PRKAG1: variants seen among roughly 807,000 people sequenced by gnomAD.
PRKAG1 encodes the protein 5'-AMP-activated protein kinase subunit gamma-1.
Under a neutral mutation model 48.2 loss-of-function variants are expected in PRKAG1, and 27 were observed. The observed-to-expected ratio is 0.56, with a 90% CI of 0.41 to 0.77. The LOEUF is 0.77. PRKAG1 is among the 30% of genes least tolerant of loss of function. The pLI, the probability that PRKAG1 is intolerant of heterozygous loss-of-function variation, is 0.00. For missense variants in PRKAG1, 287 were observed against 398.3 expected (o/e 0.72, Z 2.38); for synonymous variants, 130 against 147.7 (o/e 0.88, Z 0.87).
At chr12:49,010,335 T>G (rs369775342) in intron 2 of PRKAG1, among the ~76,000 whole-genome samples, 1 of 152,170 alleles carries the variant, frequency 6.6e-6, no homozygotes, top group African/African-American at 2.4e-5. Context: ...CATTCAATAC[T>G]TATATATTTT....
chr12:49,005,691 G>C lies in PRKAG1; in HGVS notation c.168+52C>G. The C allele has an allele frequency of 6.2e-7, 1 of 1,607,322 alleles. No individual in the cohort carries two copies. The highest frequency in any genetic ancestry group is 8.5e-7 in the Non-Finnish European group (1 of 1,174,120). ...ACCCTTAGGATGAGATAGGATGAGAGGTATTAAACCACAGGCTCCAAAGGG... is the reference window on the plus strand; with the variant it reads ...ACCCTTAGGATGAGATAGGATGAGACGTATTAAACCACAGGCTCCAAAGGG... On this transcript the variant is annotated intron_variant, in intron 3 of 11. Coordinates refer to ENST00000548065, the MANE Select transcript of PRKAG1 (RefSeq NM_002733.5). The surrounding 1 kb of genome is among the most constrained non-coding windows in gnomAD (Gnocchi z 4.1).
At chr12:49,004,092 C>T (rs766907020) in intron 8 of PRKAG1, 170 bp from the exon 9 acceptor site, 2 of 858,752 alleles carry the variant, frequency 2.3e-6, no homozygotes, top group Non-Finnish European at 3.4e-6. Context: ...GAGTTCGAGA[C>T]CAGCCTGGGC....
intron 2 of PRKAG1, among the ~76,000 whole-genome samples, chr12:49,009,888 C>A (rs1941689442): frequency 1.3e-5 from 2 of 152,222 alleles, no homozygotes; most frequent in Admixed American, 1.3e-4. Flanking sequence ...GCTGGGATTA[C>A]AGGCGTGAGC....
Position 49,003,788 on chromosome 12 carries a change from T to G in PRKAG1, c.672A>C (p.Arg224=). The change falls in exon 9 of 12, where the codon CGA becomes CGC. Residue 224 remains arginine, a synonymous_variant. Transcript: ENST00000548065. ...CATCCACCACTGGCAGGGCTGAGAC[T>G]CGATGCTGTACAAAAATCCCCAGAG... The part of the protein sequence containing the change: ...YVALGIFVQH[R]VSALPVVDEK... 6.2e-7 allele frequency: 1 copy of G among 1,613,722 alleles called. No homozygotes were observed. The highest frequency in any genetic ancestry group is 8.5e-7 in the Non-Finnish European group (1 of 1,179,816).
intron 8 of PRKAG1, 150 bp from the exon 9 acceptor site, chr12:49,004,072 T>G: frequency 9.1e-7 from 1 of 1,100,202 alleles, no homozygotes; most frequent in East Asian, 2.6e-5. Flanking sequence ...GACATATTGC[T>G]TGAGCCCAGG....
rs899020647 is a variant in PRKAG1 at position 49,003,203 on chromosome 12, G to C, written c.829C>G (p.Leu277Val). The change falls in exon 11 of 12, where the codon CTC (leucine) becomes GTC (valine). Residue 277 changes from leucine (L) to valine (V), a missense_variant. By Grantham distance (32) the Leu-to-Val change is conservative. This residue lies in a region of PRKAG1 where 224 missense variants were observed against 344.3 expected (regional missense o/e 0.65). Transcript: ENST00000548065. Reference protein sequence around the residue: ...QHRSHYFEGVLKCYLHETLET... With the variant: ...QHRSHYFEGVVKCYLHETLET... Reference sequence around the variant, plus strand: ...AGAGTCTCATGCAGGTAGCACTTGAGAACACCCTCAAAGTAATGTGATCGA... The same window carrying C: ...AGAGTCTCATGCAGGTAGCACTTGACAACACCCTCAAAGTAATGTGATCGA... 5 of 1,614,186 alleles carry C rather than the reference G, an allele frequency of 3.1e-6. No individual in the cohort carries two copies. The highest frequency in any genetic ancestry group is 4.2e-6 in the Non-Finnish European group (5 of 1,180,034).
chr12:49,014,220 T>A (rs1941878881), intron 1 of PRKAG1, among the ~76,000 whole-genome samples: 2 of 152,220 alleles, frequency 1.3e-5, no homozygotes, highest in Admixed American at 1.3e-4. Flanking sequence ...TACTCCATTC[T>A]GATGAAATTC....
chr12:49,018,159 T>C (rs1243920829), intron 1 of PRKAG1: 2 of 153,972 alleles, frequency 1.3e-5, no homozygotes, highest in Non-Finnish European at 1.5e-5. Flanking sequence ...TGACCTAAAA[T>C]TGTCCAGGGA....
At chr12:49,015,115 A>G (rs1034342194) in intron 1 of PRKAG1, among the ~76,000 whole-genome samples, 6 of 152,240 alleles carry the variant, frequency 3.9e-5, no homozygotes, top group Non-Finnish European at 7.3e-5. Context: ...ACTGGACTGC[A>G]TAAGACTGTC....
At chr12:49,012,960 G>T (rs980934640) in intron 2 of PRKAG1, 102 bp downstream of exon 2, 3 of 1,236,558 alleles carry the variant, frequency 2.4e-6, no homozygotes, top group Non-Finnish European at 3.5e-6. Context: ...ATCTGGCCCT[G>T]CTTTGATTTT....
chr12:49,004,898 G>A, intron 7 of PRKAG1, 66 bp downstream of exon 7: 1 of 1,507,288 alleles, frequency 6.6e-7, no homozygotes, highest in South Asian at 1.1e-5. Context: ...TGGGTGTCTA[G>A]GGCATTAGCT....
chr12:49,010,379 G>A (rs1471028906), intron 2 of PRKAG1, among the ~76,000 whole-genome samples: 4 of 152,182 alleles, frequency 2.6e-5, no homozygotes, highest in African/African-American at 7.2e-5. Context: ...TGGAGAGAAG[G>A]ATTATTCAAT....
intron 1 of PRKAG1, among the ~76,000 whole-genome samples, chr12:49,013,676 T>C (rs1439364319): frequency 2.0e-5 from 3 of 152,174 alleles, no homozygotes; most frequent in Non-Finnish European, 4.4e-5. Flanking sequence ...CAAGGTCACA[T>C]GGCTGATAAG....
At chr12:49,008,869 T>C (rs1941651318) in intron 2 of PRKAG1, among the ~76,000 whole-genome samples, 1 of 152,230 alleles carries the variant, frequency 6.6e-6, no homozygotes, top group Admixed American at 6.5e-5. Context: ...TCCAGTGTTC[T>C]GAAATCTCAG....
At position 49,005,211 on chromosome 12, in the gene PRKAG1, C is replaced by T; in HGVS notation, c.310-46G>A. ...ATTTGAGACCTGATCTCTCTGCTTCCTTAAGCCCTCGTGGCTTGCTTGGAG... is the reference window on the plus strand; with the variant it reads ...ATTTGAGACCTGATCTCTCTGCTTCTTTAAGCCCTCGTGGCTTGCTTGGAG... On this transcript the variant is annotated intron_variant, in intron 5 of 11. Coordinates refer to ENST00000548065, the MANE Select transcript of PRKAG1 (RefSeq NM_002733.5). The surrounding 1 kb of genome is among the most constrained non-coding windows in gnomAD (Gnocchi z 4.1). 1.2e-6 allele frequency: 2 copies of T among 1,613,508 alleles called. No individual in the cohort carries two copies. Among genetic ancestry groups the T allele is most frequent in the Admixed American group, 1.7e-5 (1 of 60,012 alleles).
chr12:49,004,735 G>A, intron 7 of PRKAG1, 102 bp from the exon 8 acceptor site: 1 of 1,538,240 alleles, frequency 6.5e-7, no homozygotes, highest in Non-Finnish European at 8.9e-7. Context: ...TGATGGTTAG[G>A]GAAGGGGGGC....
At chr12:49,004,740 G>T (rs755926118) in intron 7 of PRKAG1, 107 bp from the exon 8 acceptor site, 24 of 1,526,724 alleles carry the variant, frequency 1.6e-5, no homozygotes, top group Middle Eastern at 1.9e-4. Flanking sequence ...GTTAGGGAAG[G>T]GGGGCAGTGT....
chr12:49,009,590 T>A (rs1002814224), intron 2 of PRKAG1, among the ~76,000 whole-genome samples: 7 of 152,140 alleles, frequency 4.6e-5, no homozygotes, highest in African/African-American at 1.7e-4. Flanking sequence ...TGTTTCATGG[T>A]GGAAATAAGG....
intron 2 of PRKAG1, among the ~76,000 whole-genome samples, chr12:49,011,382 T>G (rs1267998911): frequency 6.6e-6 from 1 of 151,822 alleles, no homozygotes; most frequent in Non-Finnish European, 1.5e-5. Flanking sequence ...TGCAAAAAAT[T>G]TTTAATTTTT....
Sources: gnomAD v4.1 joint callset for allele counts (sites outside exome capture counted in the v4.1 genomes callset) on GRCh38, gnomAD v4.1.1 for gene constraint, gnomAD v4.1.1 regional missense constraint, Gnocchi (gnomAD v3.1) non-coding constraint, MANE v1.5 for transcripts, NCBI Gene and HGNC (gene_info 2026-07-23, HGNC 2026-07-21) for gene names.